Variants in DYSF observed in about 807,000 individuals in gnomAD.
DYSF encodes dystrophy-associated fer-1-like 1.
In DYSF, 212 loss-of-function variants were observed where a neutral mutation model predicts 274.9. That is an observed-to-expected ratio of 0.77 (90% CI 0.69 to 0.86). The LOEUF (loss-of-function observed/expected upper bound fraction) is 0.86. Among genes scored for constraint, DYSF ranks in the 40% least tolerant of loss-of-function variants. The pLI is 0.00. For missense variants in DYSF, 2,666 were observed against 2,783.2 expected, an observed-to-expected ratio of 0.96 and a Z score of 0.95; for synonymous variants, 1,091 against 1,078.7, an observed-to-expected ratio of 1.01 and a Z score of -0.22.
chr2:71,494,435 T>G (rs1348739233), intron 3 of DYSF, among the ~76,000 whole-genome samples: 1 of 152,210 alleles, frequency 6.6e-6, no homozygotes, highest in African/African-American at 2.4e-5. Context: ...TTTGTTAAGA[T>G]GTACTTGAAG....
intron 1 of DYSF, among the ~76,000 whole-genome samples, chr2:71,479,906 A>G (rs897967249): frequency 6.6e-6 from 1 of 152,212 alleles, no homozygotes; most frequent in Non-Finnish European, 1.5e-5. Context: ...TTTAAATGGA[A>G]ATAAAATTAA....
intron 43 of DYSF, 43 bp from the exon 44 acceptor site, chr2:71,658,832 TCAA>T: frequency 6.2e-7 from 1 of 1,612,818 alleles, no homozygotes; most frequent in Non-Finnish European, 8.5e-7. Flanking sequence ...CCAAACCATA[TCAA>T]CAATGATGAT....
At chr2:71,492,602 T>C (rs2083956869) in intron 3 of DYSF, among the ~76,000 whole-genome samples, 1 of 152,132 alleles carries the variant, frequency 6.6e-6, no homozygotes, top group African/African-American at 2.4e-5. Flanking sequence ...TACAAGAACA[T>C]CCATATATTC....
At chr2:71,658,818 AC>A (rs2152940823) in intron 43 of DYSF, 59 bp from the exon 44 acceptor site, 1 of 1,606,982 alleles carries the variant, frequency 6.2e-7, no homozygotes, top group East Asian at 2.2e-5. Flanking sequence ...GGGTGGGGAC[AC>A]AGCCAAACCA....
chr2:71,472,927 G>A (rs1193867687), intron 1 of DYSF, among the ~76,000 whole-genome samples: 1 of 152,136 alleles, frequency 6.6e-6, no homozygotes, highest in African/African-American at 2.4e-5. Flanking sequence ...TAATTGGCAA[G>A]TAAAAATTAT....
chr2:71,502,800 A>G (rs2085115161), intron 3 of DYSF, among the ~76,000 whole-genome samples: 1 of 152,152 alleles, frequency 6.6e-6, no homozygotes, highest in South Asian at 2.1e-4. Context: ...TCCAATACAG[A>G]CGGCCTGTGT....
At chr2:71,479,173 A>ACGTGGTGGCGGGCGCCTGTAGTCCCAGCT (rs1553507232) in intron 1 of DYSF, among the ~76,000 whole-genome samples, 1 of 147,092 alleles carries the variant, frequency 6.8e-6, no homozygotes, top group African/African-American at 2.5e-5. Context: ...CGACCCAAAT[A>ACGTGGTGGCGGGCGCCTGTAGTCCCAGCT]AAAGTTCTGT....
In DYSF at chr2:71,664,443, G is replaced by T. The variant is rs745891180; in HGVS notation, c.5174+5G>T. On this transcript the variant is annotated splice_donor_5th_base_variant and intron_variant, in intron 46 of 55. Transcript: ENST00000410020. ...ACTCCCACAGACCTACTGTGTGTAC[G>T]TGGATGGGGGCTGGCTGCCTGCTTC... is the stretch of plus-strand genomic sequence containing the variant. The T allele has an allele frequency of 6.2e-7, 1 of 1,613,954 alleles. No individual in the cohort carries two copies.
intron 10 of DYSF, among the ~76,000 whole-genome samples, chr2:71,519,811 G>GTTTTTTTTTTT (rs70959241): frequency 1.4e-4 from 14 of 102,286 alleles, no homozygotes; most frequent in Non-Finnish European, 1.5e-4. Context: ...CACCCGGCTA[G>GTTTTTTTTTTT]TTTTTTTTTT....
intron 14 of DYSF, among the ~76,000 whole-genome samples, chr2:71,530,011 G>A (rs529104705): frequency 4.9e-5 from 7 of 143,124 alleles, no homozygotes; most frequent in African/African-American, 9.8e-5. Flanking sequence ...CTAGCACAGG[G>A]TCCCAGTGAA....
chr2:71,559,702 C>T (rs1400026488), intron 22 of DYSF, among the ~76,000 whole-genome samples: 1 of 152,258 alleles, frequency 6.6e-6, no homozygotes, highest in South Asian at 2.1e-4. Flanking sequence ...GCCTTACTAA[C>T]GCCTGCTGGC....
intron 14 of DYSF, among the ~76,000 whole-genome samples, chr2:71,529,750 T>C (rs2088439581): frequency 6.6e-6 from 1 of 152,258 alleles, no homozygotes; most frequent in Admixed American, 6.5e-5. Flanking sequence ...TCCATTGACC[T>C]TCCTGTCTGA....
At chr2:71,481,858 C>T (rs776551358) in intron 2 of DYSF, 21 bp from the exon 3 acceptor site, 27 of 1,605,910 alleles carry the variant, frequency 1.7e-5, no homozygotes, top group Admixed American at 1.0e-4. Context: ...GGTTAAGATG[C>T]CTTTTCTCTT....
intron 4 of DYSF, among the ~76,000 whole-genome samples, chr2:71,506,085 G>T (rs2085443961): frequency 6.6e-6 from 1 of 152,202 alleles, no homozygotes; most frequent in African/African-American, 2.4e-5. Flanking sequence ...CACATATCAG[G>T]CCTGTCTTGT....
At chr2:71,564,892 T>C (rs2152807260) in intron 24 of DYSF, among the ~76,000 whole-genome samples, 1 of 152,310 alleles carries the variant, frequency 6.6e-6, no homozygotes, top group South Asian at 2.1e-4. Context: ...TGTGCTCCTC[T>C]CTAGGCTCAT....
At position 71,664,360 on chromosome 2, in the gene DYSF, G is replaced by A. The variant is rs2094957707; in HGVS notation, c.5096G>A (p.Gly1699Asp). ...CTCCTCTCCAAGGACGAAAAGATCGGTGAGACGGTCGTCGACCTGGAGAAC... is the reference window on the plus strand; with the variant it reads ...CTCCTCTCCAAGGACGAAAAGATCGATGAGACGGTCGTCGACCTGGAGAAC... ...YDLLSKDEKI[G>D]ETVVDLENRL... is the part of the protein sequence containing the mutation. Residue 1699 changes from glycine to aspartate, a missense_variant, in exon 46 of 56, where the codon GGT becomes GAT. Coordinates refer to ENST00000410020, the MANE Select transcript of DYSF (RefSeq NM_001130987.2). 1 of 1,614,208 alleles carries A rather than the reference G, an allele frequency of 6.2e-7. No individual in the cohort carries two copies. Among genetic ancestry groups the A allele is most frequent in the Non-Finnish European group, 8.5e-7 (1 of 1,180,044 alleles).
At chr2:71,560,953 C>T (rs537390894) in intron 22 of DYSF, among the ~76,000 whole-genome samples, 9 of 152,256 alleles carry the variant, frequency 5.9e-5, no homozygotes, top group Non-Finnish European at 1.2e-4. Context: ...ACTGCCCCGC[C>T]GCATTTCTGC....
At position 71,564,012 on chromosome 2, in the gene DYSF, G is replaced by A. The variant is rs774882303; in HGVS notation, c.2410-46G>A. 3.1e-6 allele frequency: 5 copies of A among 1,612,260 alleles called. No homozygotes were observed. The Admixed American group carries it at 8.3e-5, about 27-fold the overall frequency. On this transcript the variant is annotated intron_variant, in intron 23 of 55. Transcript: ENST00000410020. The stretch of plus-strand genomic sequence containing the variant: ...CTCACGGTGTGGCTGTGGGGCGTGG[G>A]CCTGGTGTGTCACCATCCCCACCCC...
In DYSF at chr2:71,615,185, C is replaced by T. The variant is rs1010130149; in HGVS notation, c.4464+1775C>T. Among the ~76,000 whole-genome samples the T allele has an allele frequency of 6.6e-6, 1 of 152,178 alleles. No homozygotes were observed. The highest frequency in any genetic ancestry group is 1.5e-5 in the Non-Finnish European group (1 of 68,026). On this transcript the variant is annotated intron_variant, in intron 40 of 55. Coordinates refer to ENST00000410020, the MANE Select transcript of DYSF (RefSeq NM_001130987.2). The surrounding 1 kb of genome is among the most constrained non-coding windows in gnomAD (Gnocchi z 4.9). ...AGGAGGCCCAGCCTGGCCATCCTCC[C>T]GGCGTTGACATGAGGGAACTGGGGC...
Sources: gnomAD v4.1 joint callset for allele counts (sites outside exome capture counted in the v4.1 genomes callset) on GRCh38, gnomAD v4.1.1 for gene constraint, Gnocchi (gnomAD v3.1) non-coding constraint, MANE v1.5 for transcripts, NCBI Gene and HGNC (gene_info 2026-07-23, HGNC 2026-07-21) for gene names.